The following ARAP3 variants were observed in gnomAD, a reference collection of about 807,000 sequenced individuals.
ARAP3 encodes ArfGAP with RhoGAP domain, ankyrin repeat and PH domain 3.
ARAP3 carries 82 observed loss-of-function variants against 169.2 expected under a neutral mutation model. The ratio of observed to expected loss-of-function variants is 0.48; its 90% confidence interval spans 0.41 to 0.58. The LOEUF (loss-of-function observed/expected upper bound fraction) is 0.58. ARAP3 is among the 20% of genes least tolerant of loss of function. The probability of loss-of-function intolerance (pLI) is 0.00; values close to 1 mark genes in which losing one functional copy is unlikely to be tolerated. For synonymous variants in ARAP3, 791 were observed against 800.3 expected, an observed-to-expected ratio of 0.99 and a Z score of 0.20; for missense variants, 1,764 against 2,018.0, an observed-to-expected ratio of 0.87 and a Z score of 2.41.
At position 141,659,797 on chromosome 5, in the gene ARAP3, G is replaced by T; in HGVS notation, c.3249C>A (p.Gly1083=). ...GCCTTACATCAAAGACAGAGATGTA[G>T]CCATCAATGAGCTCTTGCAGCACTC... is the stretch of plus-strand genomic sequence containing the variant. The part of the protein sequence containing the change: ...EVRVLQELID[G]YISVFDIDSD... Residue 1083 remains glycine, a synonymous_variant, in exon 22 of 33, where the codon GGC becomes GGA. Transcript: ENST00000239440. 1 of 1,612,602 alleles carries T rather than the reference G, an allele frequency of 6.2e-7. No individual in the cohort carries two copies. The highest frequency in any genetic ancestry group is 8.5e-7 in the Non-Finnish European group (1 of 1,179,154).
chr5:141,671,258 G>A lies in ARAP3; in HGVS notation c.1990+7C>T. On this transcript the variant is annotated splice_region_variant and intron_variant, in intron 13 of 32. Coordinates refer to ENST00000239440, the MANE Select transcript of ARAP3 (RefSeq NM_022481.6). The surrounding 1 kb of genome is among the most constrained non-coding windows in gnomAD (Gnocchi z 4.9). Reference sequence around the variant, plus strand: ...TAGGGGAGAGAGGAGGCACTTGGGGGAATGACCTGAGGGCAAGAGGCCAGG... The same window carrying A: ...TAGGGGAGAGAGGAGGCACTTGGGGAAATGACCTGAGGGCAAGAGGCCAGG... The A allele has an allele frequency of 6.3e-7, 1 of 1,592,938 alleles. No homozygotes were observed. The highest frequency in any genetic ancestry group is 8.5e-7 in the Non-Finnish European group (1 of 1,170,346).
chr5:141,671,996 G>C lies in ARAP3; in HGVS notation c.1586-16C>G. ...CGGTGCTGACCTGTGAGGGTGTGAG[G>C]GTGTGTGAGGGTGTGTGAGGGTGTG... On this transcript the variant is annotated splice_polypyrimidine_tract_variant and intron_variant, in intron 10 of 32. Transcript: ENST00000239440. This position sits in a 1 kb window ranked among gnomAD's most constrained non-coding sequence, Gnocchi z 4.9. 6.3e-7 allele frequency: 1 copy of C among 1,585,678 alleles called. No individual in the cohort carries two copies. Among genetic ancestry groups the C allele is most frequent in the Non-Finnish European group, 8.6e-7 (1 of 1,157,208 alleles).
intron 4 of ARAP3, among the ~76,000 whole-genome samples, chr5:141,677,473 C>CT (rs34432991): frequency 0.33 from 49,664 of 151,948 alleles, 8,670 homozygotes; most frequent in East Asian, 0.43. Context: ...CTTGACTGCT[C>CT]TTTTTTTCTC....
At chr5:141,677,128 G>A (rs181727691) in intron 4 of ARAP3, among the ~76,000 whole-genome samples, 160 of 152,186 alleles carry the variant, frequency 1.1e-3, no homozygotes, top group Non-Finnish European at 3.2e-4. Context: ...AAAGAAACAG[G>A]TGAAATTAAT....
chr5:141,679,719 C>A (rs1459752897), intron 3 of ARAP3, 42 bp downstream of exon 3: 1 of 1,614,000 alleles, frequency 6.2e-7, no homozygotes, highest in Non-Finnish European at 8.5e-7. Flanking sequence ...TGAGGTCCTG[C>A]CGGCACTATC....
In ARAP3 at chr5:141,673,693, G is replaced by A. The variant is rs146293375; in HGVS notation, c.814C>T (p.Leu272Phe). 39 of 1,614,228 alleles carry A rather than the reference G, an allele frequency of 2.4e-5. No individual in the cohort carries two copies. The African/African-American group carries it at 4.8e-4, about 20-fold the overall frequency. Reference protein sequence around the residue: ...TLETEETSDDLISPYASFSFT... With the variant: ...TLETEETSDDFISPYASFSFT... ...GAGAAGCTGGCATAGGGTGAAATGA[G>A]GTCATCACTGGTCTCCTCTGTTTCC... The change falls in exon 5 of 33, where the codon CTC becomes TTC. Residue 272 changes from leucine to phenylalanine, a missense_variant. By Grantham distance (22) the Leu-to-Phe change is conservative. Around this residue, in one of 3 missense-constraint regions of ARAP3, gnomAD observed 630 missense variants for 678.7 expected, o/e 0.93. Coordinates refer to ENST00000239440, the MANE Select transcript of ARAP3 (RefSeq NM_022481.6).
In ARAP3 at chr5:141,671,884, C is replaced by T. The variant is rs374455707; in HGVS notation, c.1671+11G>A. 28 of 1,614,192 alleles carry T rather than the reference C, an allele frequency of 1.7e-5. No individual in the cohort carries two copies. Among genetic ancestry groups the T allele is most frequent in the East Asian group, 1.6e-4 (7 of 44,874 alleles). On this transcript the variant is annotated intron_variant, in intron 11 of 32. Coordinates refer to ENST00000239440, the MANE Select transcript of ARAP3 (RefSeq NM_022481.6). The surrounding 1 kb of genome is among the most constrained non-coding windows in gnomAD (Gnocchi z 4.9). The stretch of plus-strand genomic sequence containing the variant: ...CTACGCCTCCCACCTTCTCCCTCTT[C>T]GCCCGCTCACCTGTACTATCTCATT...
chr5:141,659,274 CCT>C (rs1164537931), intron 23 of ARAP3, 132 bp downstream of exon 23: 10 of 790,906 alleles, frequency 1.3e-5, no homozygotes, highest in Non-Finnish European at 1.9e-5. Context: ...TTGGGTTCCC[CCT>C]GTCTCCCAAA....
At position 141,672,503 on chromosome 5, in the gene ARAP3, C is replaced by A. The variant is rs748096077; in HGVS notation, c.1385+49G>T. 1 of 1,599,146 alleles carries A rather than the reference C, an allele frequency of 6.3e-7. No homozygotes were observed. Reference sequence around the variant, plus strand: ...GCCTCTAGTCCTCTGCACCCTTGTGCCTCCCGCAAAAGTCCCCCAGCCTTG... The same window carrying A: ...GCCTCTAGTCCTCTGCACCCTTGTGACTCCCGCAAAAGTCCCCCAGCCTTG... On this transcript the variant is annotated intron_variant, in intron 9 of 32. Coordinates refer to ENST00000239440, the MANE Select transcript of ARAP3 (RefSeq NM_022481.6). This position sits in a 1 kb window ranked among gnomAD's most constrained non-coding sequence, Gnocchi z 4.9.
At chr5:141,673,549 C>T (rs888762112) in intron 5 of ARAP3, 56 bp downstream of exon 5, 28 of 1,612,330 alleles carry the variant, frequency 1.7e-5, no homozygotes, top group Admixed American at 6.7e-5. Context: ...GGCACTTTCC[C>T]GCGCAACCAC....
At position 141,662,103 on chromosome 5, in the gene ARAP3, G is replaced by C; in HGVS notation, c.2953C>G (p.Arg985Gly). 6.2e-7 allele frequency: 1 copy of C among 1,614,210 alleles called. No individual in the cohort carries two copies. Among genetic ancestry groups the C allele is most frequent in the Non-Finnish European group, 8.5e-7 (1 of 1,180,038 alleles). ...DVTDTLKRFF[R>G]ELDDPVTSAR... The stretch of plus-strand genomic sequence containing the variant: ...GAGGTCACAGGGTCATCGAGCTCAC[G>C]AAAGAAGCGTTTGAGTGTGTCAGTG... The change falls in exon 20 of 33, where the codon CGT (arginine) becomes GGT (glycine). Residue 985 changes from arginine to glycine, a missense_variant. Transcript: ENST00000239440.
chr5:141,675,272 C>A (rs1054493344), intron 4 of ARAP3, among the ~76,000 whole-genome samples: 1 of 152,088 alleles, frequency 6.6e-6, no homozygotes, highest in Non-Finnish European at 1.5e-5. Context: ...TGTCACTTTC[C>A]AGGGGTTCTC....
rs199728199 is a variant in ARAP3, at chr5:141,671,323, G to A, written c.1932C>T (p.Gly644=). The change falls in exon 13 of 33, where the codon GGC becomes GGT. Residue 644 remains glycine, a synonymous_variant. Transcript: ENST00000239440. The surrounding 1 kb of genome is among the most constrained non-coding windows in gnomAD (Gnocchi z 4.9). ...TQLLCVEAFE[G]EEPWFPPAPD... The stretch of plus-strand genomic sequence containing the variant: ...GGGCTGGGGGGAACCAGGGCTCCTC[G>A]CCTTCAAAGGCCTCAACACAGAGGA... 28 of 1,613,558 alleles carry A rather than the reference G, an allele frequency of 1.7e-5. No homozygotes were observed. Among genetic ancestry groups the A allele is most frequent in the Admixed American group, 1.5e-4 (9 of 59,914 alleles).
chr5:141,661,923 G>T, intron 20 of ARAP3, 120 bp downstream of exon 20: 1 of 1,504,888 alleles, frequency 6.6e-7, no homozygotes, highest in Non-Finnish European at 9.2e-7. Flanking sequence ...CCTGAGCCAA[G>T]TCTCTGGATG....
chr5:141,661,633 G>A (rs1212014100), intron 21 of ARAP3, 51 bp downstream of exon 21: 2 of 1,495,610 alleles, frequency 1.3e-6, no homozygotes, highest in South Asian at 2.3e-5. Context: ...TGAAAGTGCA[G>A]GGTCAGATTG....
In ARAP3 at chr5:141,672,324, A is replaced by G. The variant is rs764502195; in HGVS notation, c.1386-23T>C. 3.5e-5 allele frequency: 57 copies of G among 1,613,380 alleles called. No homozygotes were observed. The highest frequency in any genetic ancestry group is 4.7e-5 in the Non-Finnish European group (55 of 1,179,860). ...AAGCTGAGGGGTGGACAGCCAGTCC[A>G]TGGGCATGGACCTACCTGCCATGTC... On this transcript the variant is annotated intron_variant, in intron 9 of 32. Coordinates refer to ENST00000239440, the MANE Select transcript of ARAP3 (RefSeq NM_022481.6). This position sits in a 1 kb window ranked among gnomAD's most constrained non-coding sequence, Gnocchi z 4.9.
intron 27 of ARAP3, 112 bp from the exon 28 acceptor site, chr5:141,656,388 G>A (rs2306339): frequency 0.23 from 371,338 of 1,590,846 alleles, 44,521 homozygotes; most frequent in South Asian, 0.36. Context: ...AGAAGTCGGG[G>A]GCAGGGAAGC....
rs377698647 is a variant in ARAP3 at position 141,656,595 on chromosome 5, C to T, written c.3698G>A (p.Arg1233His). Reference protein sequence around the residue: ...ESPRVGLLRCREEPPRLLGSR... With the variant: ...ESPRVGLLRCHEEPPRLLGSR... ...TCCCAGCAAGCGAGGTGGCTCCTCA[C>T]GACACCGCAACAGCCCCACCCGTGG... The change falls in exon 27 of 33, where the codon CGT becomes CAT. Residue 1233 changes from arginine (R) to histidine (H), a missense_variant. Physicochemically the swap from Arg to His is conservative, Grantham distance 29 (BLOSUM62 0). This residue lies in a region of ARAP3 where 1,112 missense variants were observed against 1,285.7 expected (regional missense o/e 0.86). Coordinates refer to ENST00000239440, the MANE Select transcript of ARAP3 (RefSeq NM_022481.6). 25 of 1,612,978 alleles carry T rather than the reference C, an allele frequency of 1.5e-5. No homozygotes were observed. The highest frequency in any genetic ancestry group is 1.7e-4 in the Middle Eastern group (1 of 6,060).
rs766813095 is a variant in ARAP3 at position 141,659,813 on chromosome 5, T to C, written c.3233A>G (p.Gln1078Arg). 1.2e-6 allele frequency: 2 copies of C among 1,612,754 alleles called. No individual in the cohort carries two copies. The highest frequency in any genetic ancestry group is 2.2e-5 in the East Asian group (1 of 44,832). The change falls in exon 22 of 33, where the codon CAA becomes CGA. Residue 1078 changes from glutamine (Q) to arginine (R), a missense_variant. Gln to Arg is a conservative substitution (Grantham distance 43). Coordinates refer to ENST00000239440, the MANE Select transcript of ARAP3 (RefSeq NM_022481.6). Reference protein sequence around the residue: ...GRGEHEVRVLQELIDGYISVF... With the variant: ...GRGEHEVRVLRELIDGYISVF... ...AGAGATGTAGCCATCAATGAGCTCT[T>C]GCAGCACTCGCACCTCGTGCTCCCC...
Sources: allele counts gnomAD v4.1 joint callset (sites outside exome capture counted in the v4.1 genomes callset), GRCh38; gene constraint gnomAD v4.1.1; regional missense constraint gnomAD v4.1.1; non-coding constraint Gnocchi (gnomAD v3.1); transcripts MANE v1.5; gene names NCBI Gene and HGNC (gene_info 2026-07-23, HGNC 2026-07-21).